The following INAVA variants were observed in gnomAD, a reference collection of about 807,000 sequenced individuals.
The protein encoded by INAVA is innate immunity activator protein.
In INAVA, 32 loss-of-function variants were observed where a neutral mutation model predicts 55.3. The observed-to-expected ratio is 0.58, with a 90% CI of 0.44 to 0.78. INAVA has a LOEUF of 0.78. Ranked by LOEUF, INAVA falls within the 30% of genes least tolerant of loss-of-function variation. The pLI, the probability that INAVA is intolerant of heterozygous loss-of-function variation, is 0.00. For missense variants in INAVA, 756 were observed against 786.4 expected (o/e 0.96, Z 0.46); for synonymous variants, 294 against 329.4 (o/e 0.89, Z 1.16).
rs746123325 is a variant in INAVA, at chr1:200,911,831, G to C, written c.1338G>C (p.Pro446=). Residue 446 remains proline (P), a synonymous_variant, in exon 9 of 10, where the codon CCG becomes CCC. Coordinates refer to ENST00000413687, the MANE Select transcript of INAVA (RefSeq NM_001142569.3). The part of the protein sequence containing the change: ...RYVVVAESPL[P]PGEWELRRAA... ...TGGTGGTGGCTGAGAGCCCCCTGCCGCCTGGCGAGTGGGAGCTGCGCCGCG... is the reference window on the plus strand; with the variant it reads ...TGGTGGTGGCTGAGAGCCCCCTGCCCCCTGGCGAGTGGGAGCTGCGCCGCG... The C allele has an allele frequency of 6.2e-7, 1 of 1,601,980 alleles. No individual in the cohort carries two copies.
upstream of INAVA, chr1:200,894,759 A>G: frequency 1.0e-6 from 1 of 983,148 alleles, no homozygotes; most frequent in South Asian, 4.7e-5. Flanking sequence ...TTTCCCTGCT[A>G]CCCTCCTGCC....
intron 9 of INAVA, 148 bp from the exon 10 acceptor site, chr1:200,913,389 G>A (rs1029680288): frequency 7.8e-6 from 5 of 637,934 alleles, no homozygotes; most frequent in Non-Finnish European, 1.4e-5. Flanking sequence ...CATCCTGGGA[G>A]GAAGGGGCTG....
At chr1:200,909,191 C>A (rs1329126345) in intron 7 of INAVA, 33 bp from the exon 8 acceptor site, 1 of 1,482,058 alleles carries the variant, frequency 6.7e-7, no homozygotes, top group Non-Finnish European at 9.0e-7. Context: ...TGGAGGCATT[C>A]CTGCCACTGA....
At chr1:200,892,432 G>A (rs1300487980), upstream of INAVA, among the ~76,000 whole-genome samples, 1 of 152,178 alleles carries the variant, frequency 6.6e-6, no homozygotes, top group African/African-American at 2.4e-5. Flanking sequence ...AAAATGGAGA[G>A]TGGATGGCTA....
In INAVA at chr1:200,911,899, G is replaced by A. The variant is rs1174863258; in HGVS notation, c.1406G>A (p.Arg469His). The change falls in exon 9 of 10, where the codon CGC becomes CAC. Residue 469 changes from arginine to histidine, a missense_variant. Physicochemically the swap from Arg to His is conservative, Grantham distance 29. Transcript: ENST00000413687. ...PAYEEEGTPL[R>H]YQRLVPSRSR... ...TACGAGGAGGAGGGCACTCCCCTGC[G>A]CTACCAGCGTCTGGTGCCCTCCCGC... The A allele has an allele frequency of 1.1e-5, 17 of 1,581,450 alleles. No individual in the cohort carries two copies. Among genetic ancestry groups the A allele is most frequent in the Non-Finnish European group, 1.3e-5 (15 of 1,171,534 alleles).
At chr1:200,891,622 G>A (rs1284115328), upstream of INAVA, 12 of 1,536,422 alleles carry the variant, frequency 7.8e-6, no homozygotes, top group Non-Finnish European at 1.0e-5. Context: ...AAGATGGCCT[G>A]GACAAACAGG....
chr1:200,914,253 T>G lies in INAVA; in HGVS notation c.*624T>G, dbSNP rs1653861200. On this transcript the variant is annotated 3_prime_UTR_variant, in exon 10 of 10. Transcript: ENST00000413687. ...GCTATTTTCCTGACCCCCTAAATCC[T>G]CTTTAGGGACCCAGTCACTATACCC... 6.6e-6 allele frequency: 1 copy of G among 152,424 alleles called. No individual in the cohort carries two copies. The highest frequency in any genetic ancestry group is 1.5e-5 in the Non-Finnish European group (1 of 68,190). 9.4% of individuals were successfully genotyped at this position (152,424 alleles called of 1,614,324 possible).
rs542068336 is a variant in INAVA, at chr1:200,902,022, G to C, written c.520+863G>C. ...CTCCATTCCAAACCCCACCGCAGCA[G>C]GCCCATGACTCAGCTCTGCCCCCCG... On this transcript the variant is annotated intron_variant, in intron 5 of 9. Coordinates refer to ENST00000413687, the MANE Select transcript of INAVA (RefSeq NM_001142569.3). Among the ~76,000 whole-genome samples the C allele has an allele frequency of 4.6e-5, 7 of 152,280 alleles. No homozygotes were observed. The South Asian group carries it at 6.2e-4, about 14-fold the overall frequency.
chr1:200,900,224 A>G lies in INAVA; in HGVS notation c.297+4A>G, dbSNP rs1653181336. 1.2e-6 allele frequency: 2 copies of G among 1,611,762 alleles called. No homozygotes were observed. The highest frequency in any genetic ancestry group is 1.7e-6 in the Non-Finnish European group (2 of 1,178,080). On this transcript the variant is annotated splice_donor_region_variant and intron_variant, in intron 4 of 9. Transcript: ENST00000413687. ...TGACTGGGCCTTGCACAGAGAGGTG[A>G]GGAACCTCAGGAAGCTGCCAGTACC...
rs186392393 is a variant in INAVA, at chr1:200,900,096, C to T, written c.181-8C>T. 3.4e-4 allele frequency: 551 copies of T among 1,607,178 alleles called. No individual in the cohort carries two copies. Among genetic ancestry groups the T allele is most frequent in the Non-Finnish European group, 4.3e-4 (504 of 1,176,496 alleles). On this transcript the variant is annotated splice_region_variant and splice_polypyrimidine_tract_variant and intron_variant, in intron 3 of 9. Coordinates refer to ENST00000413687, the MANE Select transcript of INAVA (RefSeq NM_001142569.3). ...AGAGGACCTGGCTGGTCTCTGCTTC[C>T]TCCCCAGGAGCTGACGGGCACCTTG...
chr1:200,894,724 G>C (rs761579797), upstream of INAVA: 3 of 895,984 alleles, frequency 3.3e-6, no homozygotes, highest in Non-Finnish European at 4.0e-6. Context: ...TGTCTTCTTT[G>C]GGGATTCCTC....
chr1:200,908,929 G>C lies in INAVA; in HGVS notation c.774G>C (p.Trp258Cys), dbSNP rs1433813267. The C allele has an allele frequency of 1.2e-6, 2 of 1,612,964 alleles. No homozygotes were observed. The highest frequency in any genetic ancestry group is 2.2e-5 in the South Asian group (2 of 90,930). The change falls in exon 7 of 10, where the codon TGG becomes TGC. Residue 258 changes from tryptophan (W) to cysteine (C), a missense_variant. Trp to Cys is a radical substitution (Grantham distance 215). Transcript: ENST00000413687. ...AGCCCAGGAAGTCTTCTGAGCCCTG[G>C]AGCGAGTCCAGGTCAGGATCAGGGG... ...YEKPRKSSEP[W>C]SESSSPATTP...
At chr1:200,913,459 T>C in intron 9 of INAVA, 78 bp from the exon 10 acceptor site, 1 of 1,066,862 alleles carries the variant, frequency 9.4e-7, no homozygotes, top group Non-Finnish European at 1.4e-6. Context: ...GGGATAAGGA[T>C]GGTGTAACTG....
Position 200,908,751 on chromosome 1 carries a change from C to G in INAVA, c.596C>G (p.Pro199Arg), listed in dbSNP as rs1653594511. The part of the protein sequence containing the change: ...LEEEESQVPK[P>R]PPESPAPPSR... ...GCAGAGGAATCCCAAGTGCCAAAACCTCCTCCAGAGTCTCCAGCCCCACCT... is the reference window on the plus strand; with the variant it reads ...GCAGAGGAATCCCAAGTGCCAAAACGTCCTCCAGAGTCTCCAGCCCCACCT... The change falls in exon 7 of 10, where the codon CCT (proline) becomes CGT (arginine). Residue 199 changes from proline to arginine, a missense_variant. Pro to Arg is a moderately radical substitution (Grantham distance 103). Coordinates refer to ENST00000413687, the MANE Select transcript of INAVA (RefSeq NM_001142569.3). 1 of 1,583,472 alleles carries G rather than the reference C, an allele frequency of 6.3e-7. No individual in the cohort carries two copies. Among genetic ancestry groups the G allele is most frequent in the African/African-American group, 1.4e-5 (1 of 73,386 alleles).
At chr1:200,893,384 T>C (rs1668273875), upstream of INAVA, among the ~76,000 whole-genome samples, 1 of 152,244 alleles carries the variant, frequency 6.6e-6, no homozygotes, top group South Asian at 2.1e-4. Context: ...GTGAGCCAAT[T>C]CACAGCTGGT....
chr1:200,903,691 C>T (rs1325887861), intron 5 of INAVA, among the ~76,000 whole-genome samples: 1 of 151,326 alleles, frequency 6.6e-6, no homozygotes, highest in Non-Finnish European at 1.5e-5. Flanking sequence ...GTAATCCCAG[C>T]TACTCGGGAG....
At chr1:200,891,797 C>G, upstream of INAVA, 1 of 875,838 alleles carries the variant, frequency 1.1e-6, no homozygotes, top group Non-Finnish European at 1.6e-6. Context: ...GGAGGGTGCC[C>G]TACAGGGAAT....
Position 200,911,933 on chromosome 1 carries a change from C to A in INAVA, c.1440C>A (p.Ile480=), listed in dbSNP as rs773102770. Residue 480 remains isoleucine (I), a synonymous_variant, in exon 9 of 10, where the codon ATC becomes ATA. Coordinates refer to ENST00000413687, the MANE Select transcript of INAVA (RefSeq NM_001142569.3). ...GTCTGGTGCCCTCCCGCAGCCGCAT[C>A]GTGCGGACGCCCTCCCTGAAGGACA... ...YQRLVPSRSR[I]VRTPSLKDSP... 3 of 1,559,208 alleles carry A rather than the reference C, an allele frequency of 1.9e-6. No homozygotes were observed. The highest frequency in any genetic ancestry group is 2.7e-5 in the African/African-American group (2 of 73,804).
chr1:200,903,537 G>A (rs538094261), intron 5 of INAVA, among the ~76,000 whole-genome samples: 2 of 151,968 alleles, frequency 1.3e-5, no homozygotes, highest in South Asian at 4.2e-4. Context: ...AGGTGCAGTG[G>A]CTCACACCTG....
Sources: gnomAD v4.1 joint callset for allele counts (sites outside exome capture counted in the v4.1 genomes callset) on GRCh38, gnomAD v4.1.1 for gene constraint, MANE v1.5 for transcripts, NCBI Gene and HGNC (gene_info 2026-07-23, HGNC 2026-07-21) for gene names.